The following MYLIP variants were observed in gnomAD, a reference collection of about 807,000 sequenced individuals.
The protein encoded by MYLIP is E3 ubiquitin-protein ligase MYLIP.
MYLIP carries 26 observed loss-of-function variants against 45.8 expected under a neutral mutation model. That is an observed-to-expected ratio of 0.57 (90% confidence interval 0.42 to 0.79). MYLIP has a LOEUF of 0.79. Among genes scored for constraint, MYLIP ranks in the 30% least tolerant of loss-of-function variants. The pLI is 0.00. For synonymous variants in MYLIP, 213 were observed against 218.1 expected (o/e 0.98, Z 0.21); for missense variants, 494 against 555.6 (o/e 0.89, Z 1.11).
intron 3 of MYLIP, among the ~76,000 whole-genome samples, chr6:16,142,629 C>T (rs1203835859): frequency 6.6e-6 from 1 of 152,206 alleles, no homozygotes; most frequent in Non-Finnish European, 1.5e-5. Context: ...CAGGTTGACT[C>T]CTGTGGTTTG....
intron 2 of MYLIP, among the ~76,000 whole-genome samples, chr6:16,140,751 G>A (rs1759652714): frequency 6.6e-6 from 1 of 152,266 alleles, no homozygotes; most frequent in African/African-American, 2.4e-5. Context: ...GGAAAGCTGG[G>A]GCCAGATGGC....
chr6:16,152,027 T>A (rs1194507345), downstream of MYLIP, among the ~76,000 whole-genome samples: 1 of 152,168 alleles, frequency 6.6e-6, no homozygotes, highest in Non-Finnish European at 1.5e-5. Flanking sequence ...TGCCAGTGAA[T>A]GGAGGAGGAC....
chr6:16,155,328 T>C, the MYLIP span, among the ~76,000 whole-genome samples: 4 of 152,230 alleles, frequency 2.6e-5, no homozygotes, highest in East Asian at 7.7e-4. Context: ...ATACAGGACA[T>C]GTGGCAAAAA....
At chr6:16,142,874 TA>T (rs1759702363) in intron 3 of MYLIP, 145 bp from the exon 4 acceptor site, 2 of 833,228 alleles carry the variant, frequency 2.4e-6, no homozygotes, top group African/African-American at 3.4e-5. Context: ...GTAAGTTCGC[TA>T]AATACATGAA....
intron 2 of MYLIP, among the ~76,000 whole-genome samples, chr6:16,137,736 A>T (rs953700319): frequency 6.6e-6 from 1 of 152,238 alleles, no homozygotes; most frequent in Non-Finnish European, 1.5e-5. Flanking sequence ...CTCTTAAAAG[A>T]TAAATGATCT....
Position 16,129,545 on chromosome 6 carries a change from C to T in MYLIP, c.87+136C>T. 2.4e-6 allele frequency: 2 copies of T among 825,070 alleles called. No homozygotes were observed. Among genetic ancestry groups the T allele is most frequent in the East Asian group, 2.8e-5 (1 of 35,200 alleles). The allele number at this position is 825,070 out of a possible 1,614,324, so 51.1% of individuals were successfully genotyped here. ...GGCGGCAGCCGGGGGGAGCGCGTCC[C>T]CTCCTCTCCACGGGCGTGGGGCGCG... is the stretch of plus-strand genomic sequence containing the variant. On this transcript the variant is annotated intron_variant, in intron 1 of 6. Transcript: ENST00000356840. This position sits in a 1 kb window ranked among gnomAD's most constrained non-coding sequence, Gnocchi z 5.1.
At chr6:16,148,485 A>G (rs1001832257), downstream of MYLIP, among the ~76,000 whole-genome samples, 6 of 142,178 alleles carry the variant, frequency 4.2e-5, no homozygotes, top group Non-Finnish European at 9.2e-5. Flanking sequence ...TATTTGTGGT[A>G]TTGGTTCTAA....
At chr6:16,158,864 C>T in the MYLIP span, among the ~76,000 whole-genome samples, 2 of 152,074 alleles carry the variant, frequency 1.3e-5, no homozygotes, top group East Asian at 1.9e-4. Flanking sequence ...AGCAAGACTC[C>T]GTCTCAAAAC....
At chr6:16,160,262 G>T in the MYLIP span, among the ~76,000 whole-genome samples, 100 of 152,236 alleles carry the variant, frequency 6.6e-4, no homozygotes, top group Admixed American at 1.2e-3. Flanking sequence ...ATTACTGTGC[G>T]CAAATTAAGA....
chr6:16,139,875 A>G (rs2113542409), intron 2 of MYLIP, among the ~76,000 whole-genome samples: 1 of 152,352 alleles, frequency 6.6e-6, no homozygotes, highest in East Asian at 1.9e-4. Flanking sequence ...AAACTGCAGT[A>G]TTTGGCAGAG....
chr6:16,129,805 A>T lies in MYLIP; in HGVS notation c.87+396A>T, dbSNP rs1026128122. The stretch of plus-strand genomic sequence containing the variant: ...AGTGCCACCCGCGTGCCAGGATGGG[A>T]TGGAGTGGCTCGAAGCAGTCTCGGG... On this transcript the variant is annotated intron_variant, in intron 1 of 6. Coordinates refer to ENST00000356840, the MANE Select transcript of MYLIP (RefSeq NM_013262.4). This position sits in a 1 kb window ranked among gnomAD's most constrained non-coding sequence, Gnocchi z 5.1. Among the ~76,000 whole-genome samples, 1 of 152,120 alleles carries T rather than the reference A, an allele frequency of 6.6e-6. No individual in the cohort carries two copies. The highest frequency in any genetic ancestry group is 1.5e-5 in the Non-Finnish European group (1 of 67,992).
At chr6:16,146,544 CTG>C in intron 6 of MYLIP, 116 bp from the exon 7 acceptor site, 1 of 745,988 alleles carries the variant, frequency 1.3e-6, no homozygotes, top group Non-Finnish European at 2.3e-6. Context: ...CTAGAAATCA[CTG>C]TGATCACAAT....
chr6:16,149,177 T>C (rs1759849287), downstream of MYLIP, among the ~76,000 whole-genome samples: 2 of 152,198 alleles, frequency 1.3e-5, no homozygotes. Flanking sequence ...AATCCACGAA[T>C]ACTAGCATCA....
chr6:16,132,901 G>A (rs867091531), intron 2 of MYLIP, among the ~76,000 whole-genome samples: 3 of 152,188 alleles, frequency 2.0e-5, no homozygotes, highest in Admixed American at 6.5e-5. Context: ...GTTATGAAAG[G>A]TGATTTTTTT....
At chr6:16,144,825 T>C in intron 5 of MYLIP, 72 bp from the exon 6 acceptor site, 1 of 1,504,524 alleles carries the variant, frequency 6.6e-7, no homozygotes, top group Middle Eastern at 1.8e-4. Context: ...TTTCTGTTCT[T>C]ATTGACAACA....
chr6:16,131,398 ACAC>A (rs1461973256), intron 2 of MYLIP, among the ~76,000 whole-genome samples: 6 of 152,238 alleles, frequency 3.9e-5, no homozygotes, highest in African/African-American at 1.2e-4. Flanking sequence ...ACGTTGTAAA[ACAC>A]CACCAACAGT....
chr6:16,133,464 A>G (rs1346875256), intron 2 of MYLIP, among the ~76,000 whole-genome samples: 2 of 152,168 alleles, frequency 1.3e-5, no homozygotes, highest in Non-Finnish European at 2.9e-5. Context: ...ATGTAAAAGG[A>G]GAGTCTTTTA....
chr6:16,132,936 C>A (rs915715851), intron 2 of MYLIP, among the ~76,000 whole-genome samples: 1 of 152,066 alleles, frequency 6.6e-6, no homozygotes, highest in African/African-American at 2.4e-5. Context: ...CATGAGGGTG[C>A]ATGTAGTGTA....
At chr6:16,130,861 T>A (rs1759443664) in intron 2 of MYLIP, 114 bp downstream of exon 2, 11 of 1,077,188 alleles carry the variant, frequency 1.0e-5, no homozygotes, top group South Asian at 3.6e-5. Flanking sequence ...CGGAGTTCCA[T>A]CTTAACTTAG....
Sources: allele counts gnomAD v4.1 joint callset (sites outside exome capture counted in the v4.1 genomes callset), GRCh38; gene constraint gnomAD v4.1.1; non-coding constraint Gnocchi (gnomAD v3.1); transcripts MANE v1.5; gene names NCBI Gene and HGNC (gene_info 2026-07-23, HGNC 2026-07-21).